USH2A: variants seen among roughly 807,000 people sequenced by gnomAD.
USH2A encodes the protein Usher syndrome 2A (autosomal recessive, mild).
Under a neutral mutation model 538.9 loss-of-function variants are expected in USH2A, and 443 were observed. The ratio of observed to expected loss-of-function variants is 0.82; its 90% confidence interval spans 0.76 to 0.89. The LOEUF is 0.89. Among genes scored for constraint, USH2A ranks in the 40% least tolerant of loss-of-function variants. The probability of loss-of-function intolerance (pLI) is 0.00; values close to 1 mark genes in which losing one functional copy is unlikely to be tolerated. For synonymous variants in USH2A, 2,413 were observed against 2,273.5 expected, an observed-to-expected ratio of 1.06 and a Z score of -1.75; for missense variants, 6,633 against 6,324.8, an observed-to-expected ratio of 1.05 and a Z score of -1.65.
At chr1:216,280,251 C>T (rs2036747898) in intron 11 of USH2A, among the ~76,000 whole-genome samples, 1 of 152,056 alleles carries the variant, frequency 6.6e-6, no homozygotes, top group South Asian at 2.1e-4. Flanking sequence ...GAAAAACTCA[C>T]ATAATATGTA....
chr1:215,760,052 C>T (rs991486995), intron 56 of USH2A, among the ~76,000 whole-genome samples: 3 of 152,166 alleles, frequency 2.0e-5, no homozygotes, highest in Admixed American at 6.6e-5. Context: ...AAGTGAATGT[C>T]AGACAACTAG....
At chr1:215,638,409 CA>C (rs1268664850) in intron 69 of USH2A, among the ~76,000 whole-genome samples, 4 of 151,672 alleles carry the variant, frequency 2.6e-5, no homozygotes, top group Non-Finnish European at 5.9e-5. Flanking sequence ...CACCTGTGGT[CA>C]GGAGTTCGAG....
intron 6 of USH2A, 147 bp downstream of exon 6, chr1:216,325,158 A>C: frequency 1.1e-6 from 1 of 943,288 alleles, no homozygotes; most frequent in Non-Finnish European, 1.6e-6. Flanking sequence ...CTTTAAGGGA[A>C]TGTAGCCCTG....
intron 3 of USH2A, among the ~76,000 whole-genome samples, chr1:216,396,252 G>T (rs2039210034): frequency 6.6e-6 from 1 of 152,120 alleles, no homozygotes; most frequent in Admixed American, 6.5e-5. Context: ...TTCAATGTTT[G>T]AAGCTTGGCT....
chr1:216,362,660 C>T (rs1015819942), intron 4 of USH2A, among the ~76,000 whole-genome samples: 4 of 151,844 alleles, frequency 2.6e-5, no homozygotes, highest in Admixed American at 1.3e-4. Context: ...GTATTATTTA[C>T]GGCAGGGTGC....
intron 30 of USH2A, among the ~76,000 whole-genome samples, chr1:216,062,173 T>C (rs1310601915): frequency 6.6e-6 from 1 of 152,164 alleles, no homozygotes; most frequent in Non-Finnish European, 1.5e-5. Flanking sequence ...CTGGGGAGGA[T>C]TTAATTCAAG....
rs1655984255 is a variant in USH2A at position 215,625,471 on chromosome 1, TTATTCAGTTAACCAGG to T, written c.*294_*309del. On this transcript the variant is annotated 3_prime_UTR_variant, in exon 72 of 72. Transcript: ENST00000307340. ...TGAGCCATCTTGAAATTGCCACTGA[TTATTCAGTTAACCAGG>T]AGCATCACTGCCAAACAGAACCAAG... 1.0e-5 allele frequency: 4 copies of T among 399,064 alleles called. No homozygotes were observed. The highest frequency in any genetic ancestry group is 6.1e-5 in the African/African-American group (3 of 49,082). The allele number at this position is 399,064 out of a possible 1,614,324, so 24.7% of individuals were successfully genotyped here. A position where few individuals can be genotyped will look rare whatever the true frequency, so the allele number is the denominator to read the frequency against.
intron 44 of USH2A, among the ~76,000 whole-genome samples, chr1:215,859,151 C>T (rs1276721852): frequency 6.6e-6 from 1 of 152,096 alleles, no homozygotes; most frequent in Admixed American, 6.6e-5. Flanking sequence ...ACCTTAATTA[C>T]GGTTGACCCT....
chr1:216,267,115 G>A (rs112265779), intron 11 of USH2A, among the ~76,000 whole-genome samples: 3 of 151,994 alleles, frequency 2.0e-5, no homozygotes, highest in Admixed American at 6.6e-5. Flanking sequence ...AGTGTTCAAA[G>A]GTAAGAGGAG....
chr1:216,411,796 T>C lies in USH2A; in HGVS notation c.651+6718A>G, dbSNP rs1030333305. 3.9e-5 allele frequency among the ~76,000 whole-genome samples: 6 copies of C among 152,262 alleles called. No homozygotes were observed. The East Asian group carries it at 9.7e-4, about 25-fold the overall frequency. ...GAGCATGGCCCTTCTAACAACTTGA[T>C]TTCAGCTTTCTAGCCTCCAGAACTC... On this transcript the variant is annotated intron_variant, in intron 3 of 71. Coordinates refer to ENST00000307340, the MANE Select transcript of USH2A (RefSeq NM_206933.4).
intron 30 of USH2A, among the ~76,000 whole-genome samples, chr1:216,065,344 G>A (rs1296223942): frequency 6.6e-6 from 1 of 152,052 alleles, no homozygotes; most frequent in East Asian, 1.9e-4. Flanking sequence ...TATCAATATG[G>A]TATATCTAAC....
chr1:215,662,713 C>T (rs553075360), intron 64 of USH2A, among the ~76,000 whole-genome samples: 9 of 152,160 alleles, frequency 5.9e-5, no homozygotes, highest in Admixed American at 1.3e-4. Context: ...CTGCCTGAGT[C>T]AGACAATATC....
intron 21 of USH2A, among the ~76,000 whole-genome samples, chr1:216,111,935 A>C (rs1039108199): frequency 6.6e-6 from 1 of 151,960 alleles, no homozygotes; most frequent in Non-Finnish European, 1.5e-5. Context: ...GGGAATGTAA[A>C]AGTTCATTTT....
At chr1:215,780,143 A>AT (rs1661588206) in intron 54 of USH2A, 102 bp from the exon 55 acceptor site, 1 of 1,310,318 alleles carries the variant, frequency 7.6e-7, no homozygotes, top group Admixed American at 1.9e-5. Flanking sequence ...CTGGCCTGGC[A>AT]TATCATTAGC....
intron 14 of USH2A, among the ~76,000 whole-genome samples, chr1:216,228,192 A>G (rs2035597825): frequency 6.6e-6 from 1 of 152,080 alleles, no homozygotes; most frequent in African/African-American, 2.4e-5. Flanking sequence ...AGAAATAGAG[A>G]AATTATAAGT....
intron 21 of USH2A, among the ~76,000 whole-genome samples, chr1:216,101,803 C>T (rs1231031021): frequency 6.6e-6 from 1 of 152,122 alleles, no homozygotes; most frequent in Non-Finnish European, 1.5e-5. Flanking sequence ...TTCATTCATT[C>T]AGGAAATATT....
chr1:215,757,565 TTAAAAA>T (rs1210045193), intron 58 of USH2A, among the ~76,000 whole-genome samples: 23 of 152,326 alleles, frequency 1.5e-4, no homozygotes, highest in African/African-American at 5.5e-4. Context: ...AGACTAGATA[TTAAAAA>T]TAAAGTCACA....
At chr1:215,896,230 T>A (rs1449489420) in intron 40 of USH2A, among the ~76,000 whole-genome samples, 1 of 152,138 alleles carries the variant, frequency 6.6e-6, no homozygotes, top group African/African-American at 2.4e-5. Context: ...AAACTACAAA[T>A]TTGGGAAACG....
At chr1:216,150,575 T>G (rs2033810882) in intron 21 of USH2A, among the ~76,000 whole-genome samples, 1 of 152,146 alleles carries the variant, frequency 6.6e-6, no homozygotes, top group South Asian at 2.1e-4. Flanking sequence ...TCCCTACACC[T>G]CCGAACTTCC....
Sources: allele counts gnomAD v4.1 joint callset (sites outside exome capture counted in the v4.1 genomes callset), GRCh38; gene constraint gnomAD v4.1.1; transcripts MANE v1.5; gene names NCBI Gene and HGNC (gene_info 2026-07-23, HGNC 2026-07-21).